The following ARHGAP23 variants were observed in gnomAD, a reference collection of about 807,000 sequenced individuals.
The protein encoded by ARHGAP23 is rho GTPase-activating protein 23.
Under a neutral mutation model 136.3 loss-of-function variants are expected in ARHGAP23, and 34 were observed. That is an observed-to-expected ratio of 0.25 (90% confidence interval 0.19 to 0.33). The LOEUF is 0.33. ARHGAP23 is among the 10% of genes least tolerant of loss of function. The pLI is 1.00. For missense variants in ARHGAP23, 1,808 were observed against 2,139.0 expected (o/e 0.85, Z 3.05); for synonymous variants, 832 against 920.5 (o/e 0.90, Z 1.74).
intron 3 of ARHGAP23, 70 bp downstream of exon 3, chr17:38,461,002 C>T: frequency 2.0e-6 from 3 of 1,514,320 alleles, no homozygotes; most frequent in Non-Finnish European, 2.6e-6. Context: ...TCCCTGTCCT[C>T]CCCTAAGACT....
At chr17:38,432,435 T>G (rs1567771596) in intron 1 of ARHGAP23, among the ~76,000 whole-genome samples, 1 of 152,140 alleles carries the variant, frequency 6.6e-6, no homozygotes, top group Non-Finnish European at 1.5e-5. Flanking sequence ...ATCCCAGCAC[T>G]TTGGGAGGCC....
rs567703735 is a variant in ARHGAP23, at chr17:38,505,051, C to G, written c.3447+4423C>G. ...GACAGGTCTTGCTCTGTCACCCAGGCTGGAGTGCAGTGGCCTGAACACAGC... is the reference window on the plus strand; with the variant it reads ...GACAGGTCTTGCTCTGTCACCCAGGGTGGAGTGCAGTGGCCTGAACACAGC... On this transcript the variant is annotated intron_variant, in intron 23 of 23. Transcript: ENST00000622683. 1.8e-4 allele frequency among the ~76,000 whole-genome samples: 21 copies of G among 115,612 alleles called. No homozygotes were observed. In the East Asian group the frequency reaches 3.0e-3, roughly 17 times the overall value. 75.8% of individuals were successfully genotyped at this position (115,612 alleles called of 152,430 possible). A position where few individuals can be genotyped will look rare whatever the true frequency, so the allele number is the denominator to read the frequency against.
intron 1 of ARHGAP23, among the ~76,000 whole-genome samples, chr17:38,445,289 A>G (rs1010185273): frequency 2.1e-5 from 3 of 143,452 alleles, no homozygotes; most frequent in Middle Eastern, 3.3e-3. Flanking sequence ...ACACAGTGAA[A>G]CCCTGTCTCT....
intron 23 of ARHGAP23, among the ~76,000 whole-genome samples, chr17:38,504,211 C>T (rs1343472872): frequency 6.6e-6 from 1 of 152,238 alleles, no homozygotes; most frequent in Non-Finnish European, 1.5e-5. Context: ...TGAGCTGAAA[C>T]CAACCGGCCA....
chr17:38,443,880 G>A (rs1373766966), intron 1 of ARHGAP23, among the ~76,000 whole-genome samples: 1 of 152,148 alleles, frequency 6.6e-6, no homozygotes, highest in Non-Finnish European at 1.5e-5. Context: ...CAGGCTGTCA[G>A]ACAACAGGAA....
chr17:38,445,441 C>T (rs775245949), intron 1 of ARHGAP23, among the ~76,000 whole-genome samples: 1 of 151,770 alleles, frequency 6.6e-6, no homozygotes, highest in Non-Finnish European at 1.5e-5. Context: ...CACGCCATTG[C>T]ACTCCACACT....
intron 1 of ARHGAP23, among the ~76,000 whole-genome samples, chr17:38,441,554 A>T (rs9914991): frequency 6.6e-6 from 1 of 152,200 alleles, no homozygotes; most frequent in South Asian, 2.1e-4. Flanking sequence ...GAGGGCGGGG[A>T]CTGGAGGGAG....
intron 10 of ARHGAP23, among the ~76,000 whole-genome samples, chr17:38,470,830 C>T (rs1052595625): frequency 6.6e-6 from 1 of 152,200 alleles, no homozygotes; most frequent in Admixed American, 6.5e-5. Context: ...AGCCACCGCA[C>T]CTGGCCTCAA....
chr17:38,490,913 T>C (rs1383272078), intron 19 of ARHGAP23, among the ~76,000 whole-genome samples: 2 of 151,972 alleles, frequency 1.3e-5, no homozygotes, highest in East Asian at 3.9e-4. Flanking sequence ...TTTTTTGTGT[T>C]TTGTTTGTTT....
At position 38,510,902 on chromosome 17, in the gene ARHGAP23, G is replaced by T; in HGVS notation, c.4406G>T (p.Gly1469Val). The T allele has an allele frequency of 6.7e-7, 1 of 1,490,756 alleles. No individual in the cohort carries two copies. The highest frequency in any genetic ancestry group is 1.3e-5 in the South Asian group (1 of 79,174). 92.3% of individuals were successfully genotyped at this position (1,490,756 alleles called of 1,614,324 possible). A position where few individuals can be genotyped will look rare whatever the true frequency, so the allele number is the denominator to read the frequency against. ...SSAASQPPAP[G>V]DTGSLQSQPP... The stretch of plus-strand genomic sequence containing the variant: ...GCTGCCTCGCAGCCGCCCGCGCCCG[G>T]GGACACGGGGTCCCTGCAGAGCCAG... Residue 1469 changes from glycine to valine, a missense_variant, in exon 24 of 24, where the codon GGG (glycine) becomes GTG (valine). Gly to Val is a moderately radical substitution (Grantham distance 109). Transcript: ENST00000622683. The surrounding 1 kb of genome is among the most constrained non-coding windows in gnomAD (Gnocchi z 4.6).
chr17:38,449,711 G>A (rs770204606), intron 1 of ARHGAP23, among the ~76,000 whole-genome samples: 6 of 152,176 alleles, frequency 3.9e-5, no homozygotes, highest in African/African-American at 1.4e-4. Flanking sequence ...ATGGGTCTGC[G>A]TTTGGTGGTG....
chr17:38,420,107 C>T (rs979925807), intron 1 of ARHGAP23, among the ~76,000 whole-genome samples: 2 of 152,142 alleles, frequency 1.3e-5, no homozygotes, highest in South Asian at 2.1e-4. Context: ...GGGCTGGGCT[C>T]AGTGGGCGGG....
At position 38,466,871 on chromosome 17, in the gene ARHGAP23, C is replaced by A. The variant is rs1476458436; in HGVS notation, c.1188C>A (p.Asp396Glu). The A allele has an allele frequency of 1.2e-5, 19 of 1,549,676 alleles. No individual in the cohort carries two copies. Among genetic ancestry groups the A allele is most frequent in the African/African-American group, 4.1e-5 (3 of 73,064 alleles). ...GCACCCCCGCCTGCCCAACTCGGGA[C>A]CTGCCAGGGCCCCAGGCCCCACCCC... ...SARTPACPTR[D>E]LPGPQAPPPS... Residue 396 changes from aspartate to glutamate, a missense_variant, in exon 7 of 24, where the codon GAC (aspartate) becomes GAA (glutamate). By Grantham distance (45) the Asp-to-Glu change is conservative. This residue lies in a region of ARHGAP23 where 859 missense variants were observed against 936.4 expected (regional missense o/e 0.92). Coordinates refer to ENST00000622683, the MANE Select transcript of ARHGAP23 (RefSeq NM_001199417.2).
At chr17:38,465,037 G>A (rs1026159307) in intron 6 of ARHGAP23, among the ~76,000 whole-genome samples, 1 of 151,990 alleles carries the variant, frequency 6.6e-6, no homozygotes, top group African/African-American at 2.4e-5. Flanking sequence ...GGCAGACGGA[G>A]GGGGACCGGA....
rs1075664 is a variant in ARHGAP23, at chr17:38,469,821, C to T, written c.1917-26C>T. 0.016 allele frequency: 25,454 copies of T among 1,551,314 alleles called. 3,603 individuals are homozygous for T. The African/African-American group carries it at 0.31, about 19-fold the overall frequency. ...AGGTCCCAGCTTTGCTGCCCACATC[C>T]CTCACCCTCGACCCTCGCTTTCCAG... On this transcript the variant is annotated intron_variant, in intron 9 of 23. Coordinates refer to ENST00000622683, the MANE Select transcript of ARHGAP23 (RefSeq NM_001199417.2).
intron 6 of ARHGAP23, among the ~76,000 whole-genome samples, chr17:38,464,933 G>C (rs572488165): frequency 6.6e-6 from 1 of 152,186 alleles, no homozygotes; most frequent in African/African-American, 2.4e-5. Flanking sequence ...CCACCGACGC[G>C]GCGAGGCCCC....
At chr17:38,501,340 C>T (rs992063619) in intron 23 of ARHGAP23, among the ~76,000 whole-genome samples, 3 of 151,968 alleles carry the variant, frequency 2.0e-5, no homozygotes, top group Non-Finnish European at 4.4e-5. Flanking sequence ...CTTGCTCTGT[C>T]ACCCAGGCTG....
chr17:38,482,718 T>C (rs2040074882), intron 16 of ARHGAP23, 40 bp downstream of exon 16: 2 of 1,521,644 alleles, frequency 1.3e-6, no homozygotes, highest in African/African-American at 1.4e-5. Context: ...GGGGCTGAGA[T>C]GGTGTGTGGG....
chr17:38,435,137 G>T (rs2038767726), intron 1 of ARHGAP23, among the ~76,000 whole-genome samples: 1 of 152,234 alleles, frequency 6.6e-6, no homozygotes, highest in South Asian at 2.1e-4. Flanking sequence ...GAAGGGACAG[G>T]CCAAGGGGAT....
Sources: gnomAD v4.1 joint callset for allele counts (sites outside exome capture counted in the v4.1 genomes callset) on GRCh38, gnomAD v4.1.1 for gene constraint, gnomAD v4.1.1 regional missense constraint, Gnocchi (gnomAD v3.1) non-coding constraint, MANE v1.5 for transcripts, NCBI Gene and HGNC (gene_info 2026-07-23, HGNC 2026-07-21) for gene names.